Variants in TOP6BL observed in about 807,000 individuals in gnomAD.
TOP6BL encodes the protein TOP6B like initiator of meiotic double strand breaks, also known as type 2 DNA topoisomerase 6 subunit B-like.
chr11:66,795,205 T>C, the TOP6BL span, among the ~76,000 whole-genome samples: 6 of 152,024 alleles, frequency 3.9e-5, no homozygotes, highest in East Asian at 9.6e-4. Flanking sequence ...TGTGAGGTAG[T>C]ATATATATAG....
At chr11:66,803,933 C>A in the TOP6BL span, 1 of 1,371,294 alleles carries the variant, frequency 7.3e-7, no homozygotes, top group Non-Finnish European at 1.0e-6. Context: ...ATTTTGAATG[C>A]TCTTTTAAAT....
At chr11:66,839,896 G>A in the TOP6BL span, among the ~76,000 whole-genome samples, 1 of 152,124 alleles carries the variant, frequency 6.6e-6, no homozygotes, top group Non-Finnish European at 1.5e-5. Flanking sequence ...TGCCCTTCTG[G>A]GGGCAGGGGG....
the TOP6BL span, chr11:66,843,369 G>GGCGGGGCGTGGAGCC: frequency 1.8e-5 from 26 of 1,442,164 alleles, no homozygotes; most frequent in Non-Finnish European, 2.3e-5. Flanking sequence ...GGCGGGGCGG[G>GGCGGGGCGTGGAGCC]GCGGGGCGTG....
At chr11:66,839,682 A>T in the TOP6BL span, among the ~76,000 whole-genome samples, 1 of 152,272 alleles carries the variant, frequency 6.6e-6, no homozygotes, top group Admixed American at 6.5e-5. Flanking sequence ...CAAAGCAAAG[A>T]ATCTATTTTT....
chr11:66,831,173 A>G, the TOP6BL span, among the ~76,000 whole-genome samples: 1 of 152,368 alleles, frequency 6.6e-6, no homozygotes, highest in African/African-American at 2.4e-5. Flanking sequence ...GGAAAATGGT[A>G]CAAGCACTTC....
At chr11:66,843,255 C>G in the TOP6BL span, 5 of 1,606,232 alleles carry the variant, frequency 3.1e-6, no homozygotes, top group Non-Finnish European at 4.2e-6. Context: ...CTTCCGCAAG[C>G]GCCCACCGAT....
At chr11:66,822,043 C>G in the TOP6BL span, among the ~76,000 whole-genome samples, 1 of 152,212 alleles carries the variant, frequency 6.6e-6, no homozygotes, top group Non-Finnish European at 1.5e-5. Flanking sequence ...ACACCTCTTC[C>G]TTATGCATAT....
At chr11:66,772,416 A>C in the TOP6BL span, among the ~76,000 whole-genome samples, 7 of 152,190 alleles carry the variant, frequency 4.6e-5, no homozygotes, top group Non-Finnish European at 7.3e-5. Context: ...GGGTGCAGTG[A>C]GCTATAATTT....
chr11:66,745,154 G>A, the TOP6BL span, among the ~76,000 whole-genome samples: 8 of 152,240 alleles, frequency 5.3e-5, no homozygotes, highest in East Asian at 1.9e-4. Context: ...GGCTCAGAAA[G>A]CTGCGGCGTT....
the TOP6BL span, among the ~76,000 whole-genome samples, chr11:66,777,159 G>A: frequency 1.4e-5 from 2 of 146,672 alleles, no homozygotes; most frequent in African/African-American, 5.0e-5. Flanking sequence ...CTTAACATAA[G>A]CATTTTTCAT....
At chr11:66,756,361 C>A in the TOP6BL span, 1 of 1,189,560 alleles carries the variant, frequency 8.4e-7, no homozygotes, top group South Asian at 1.5e-5. Flanking sequence ...AGGATGGAGT[C>A]TCACTCTGTT....
At chr11:66,803,398 A>G in the TOP6BL span, among the ~76,000 whole-genome samples, 1 of 152,176 alleles carries the variant, frequency 6.6e-6, no homozygotes, top group Non-Finnish European at 1.5e-5. Flanking sequence ...CCTAATAAAC[A>G]TAGTGAGACC....
the TOP6BL span, among the ~76,000 whole-genome samples, chr11:66,782,846 CATCTTT>C: frequency 1.3e-5 from 2 of 152,160 alleles, no homozygotes; most frequent in African/African-American, 4.8e-5. Flanking sequence ...CTATCTACTT[CATCTTT>C]AACAGTTGAA....
chr11:66,814,010 A>G, the TOP6BL span: 2 of 1,612,610 alleles, frequency 1.2e-6, no homozygotes, highest in Non-Finnish European at 1.7e-6. Flanking sequence ...CTCAATTTGG[A>G]TAGAGGTATA....
At chr11:66,836,715 T>TC in the TOP6BL span, among the ~76,000 whole-genome samples, 1 of 147,952 alleles carries the variant, frequency 6.8e-6, no homozygotes, top group Non-Finnish European at 1.5e-5. Flanking sequence ...TTTTTTTTTT[T>TC]TTTGAGATGG....
the TOP6BL span, among the ~76,000 whole-genome samples, chr11:66,840,212 T>G: frequency 1.3e-5 from 2 of 152,192 alleles, no homozygotes; most frequent in African/African-American, 2.4e-5. Context: ...CAGGAGCCTT[T>G]GGTTTGTCAG....
the TOP6BL span, among the ~76,000 whole-genome samples, chr11:66,793,202 T>C: frequency 6.6e-6 from 1 of 151,808 alleles, no homozygotes; most frequent in African/African-American, 2.4e-5. Context: ...TCTGGTGTCT[T>C]AGCCTCCCAA....
the TOP6BL span, among the ~76,000 whole-genome samples, chr11:66,746,962 G>A: frequency 6.7e-6 from 1 of 150,328 alleles, no homozygotes; most frequent in Admixed American, 6.6e-5. Flanking sequence ...TTTTTGAAAC[G>A]GAGTGTTGCT....
the TOP6BL span, among the ~76,000 whole-genome samples, chr11:66,842,641 A>G: frequency 6.6e-6 from 1 of 152,100 alleles, no homozygotes; most frequent in Non-Finnish European, 1.5e-5. Context: ...CCTGGGTGAG[A>G]GAATAGGGAG....
Sources: allele counts gnomAD v4.1 joint callset (sites outside exome capture counted in the v4.1 genomes callset), GRCh38; gene constraint gnomAD v4.1.1; transcripts MANE v1.5; gene names NCBI Gene and HGNC (gene_info 2026-07-23, HGNC 2026-07-21).